Variants in ARHGAP31 observed in about 807,000 individuals in gnomAD.
ARHGAP31 encodes Rho GTPase activating protein 31.
A neutral mutation model predicts 113.9 loss-of-function variants in ARHGAP31; 34 were observed. That is an observed-to-expected ratio of 0.30 (90% confidence interval 0.23 to 0.40). The LOEUF is 0.40. Among genes scored for constraint, ARHGAP31 ranks in the 10% least tolerant of loss-of-function variants. The probability of loss-of-function intolerance (pLI) is 1.00; values close to 1 mark genes in which losing one functional copy is unlikely to be tolerated. For synonymous variants in ARHGAP31, 650 were observed against 684.8 expected, an observed-to-expected ratio of 0.95 and a Z score of 0.79; for missense variants, 1,548 against 1,767.1, an observed-to-expected ratio of 0.88 and a Z score of 2.22.
At position 119,402,514 on chromosome 3, in the gene ARHGAP31, A is replaced by G. The variant is rs1332793188; in HGVS notation, c.1645+117A>G. The G allele has an allele frequency of 1.2e-5, 13 of 1,112,004 alleles. No individual in the cohort carries two copies. In the Admixed American group the frequency reaches 1.8e-4, roughly 15 times the overall value. 68.9% of individuals were successfully genotyped at this position (1,112,004 alleles called of 1,614,324 possible). ...TTAAGCCTGTGGGCTCTAGAGCCCG[A>G]TTGGGTACAAATCCACGCTCTGCCA... On this transcript the variant is annotated intron_variant, in intron 10 of 11. Coordinates refer to ENST00000264245, the MANE Select transcript of ARHGAP31 (RefSeq NM_020754.4).
intron 1 of ARHGAP31, among the ~76,000 whole-genome samples, chr3:119,333,146 C>T (rs754516903): frequency 1.3e-5 from 2 of 152,182 alleles, no homozygotes; most frequent in Non-Finnish European, 2.9e-5. Context: ...GTTGGAAATA[C>T]TGGACCCAAA....
chr3:119,333,971 A>G (rs1204839509), intron 1 of ARHGAP31, among the ~76,000 whole-genome samples: 3 of 152,208 alleles, frequency 2.0e-5, no homozygotes, highest in Non-Finnish European at 4.4e-5. Flanking sequence ...CAACAGTCTC[A>G]GAGTCACTTA....
chr3:119,333,106 C>T (rs922969621), intron 1 of ARHGAP31, among the ~76,000 whole-genome samples: 2 of 152,172 alleles, frequency 1.3e-5, no homozygotes, highest in African/African-American at 4.8e-5. Flanking sequence ...CATTTTGCTG[C>T]CCTCATCAAA....
chr3:119,388,976 G>C (rs570780701), intron 6 of ARHGAP31, among the ~76,000 whole-genome samples: 1 of 152,214 alleles, frequency 6.6e-6, no homozygotes, highest in South Asian at 2.1e-4. Context: ...GGCCAACATG[G>C]AGAAACCCCA....
intron 10 of ARHGAP31, among the ~76,000 whole-genome samples, chr3:119,405,646 G>T (rs567947045): frequency 6.6e-6 from 1 of 152,230 alleles, no homozygotes; most frequent in East Asian, 1.9e-4. Context: ...GGTGGGGGAG[G>T]TTCTAGCTCC....
intron 6 of ARHGAP31, among the ~76,000 whole-genome samples, chr3:119,384,244 A>T (rs1209377064): frequency 6.6e-6 from 1 of 152,202 alleles, no homozygotes; most frequent in Non-Finnish European, 1.5e-5. Flanking sequence ...TATGTAGTTT[A>T]TGACCATTTA....
Position 119,390,781 on chromosome 3 carries a change from A to G in ARHGAP31, c.683-4A>G, listed in dbSNP as rs776985810. The G allele has an allele frequency of 2.0e-5, 33 of 1,611,784 alleles. No homozygotes were observed. The highest frequency in any genetic ancestry group is 1.3e-5 in the Non-Finnish European group (15 of 1,179,910). ...AACACTGAGCTCTTCCATTGCCTTT[A>G]CAGAAAACCGGCCCATCATGAAGAG... On this transcript the variant is annotated splice_polypyrimidine_tract_variant and splice_region_variant and intron_variant, in intron 6 of 11. Transcript: ENST00000264245.
chr3:119,382,674 G>A (rs147898502), intron 5 of ARHGAP31, among the ~76,000 whole-genome samples: 18 of 152,294 alleles, frequency 1.2e-4, no homozygotes, highest in African/African-American at 4.3e-4. Context: ...TCTTGAAAAG[G>A]CCTTTATTGT....
chr3:119,402,226 G>A lies in ARHGAP31; in HGVS notation c.1474G>A (p.Val492Ile), dbSNP rs2080617460. 6.2e-7 allele frequency: 1 copy of A among 1,614,160 alleles called. No individual in the cohort carries two copies. The highest frequency in any genetic ancestry group is 8.5e-7 in the Non-Finnish European group (1 of 1,180,058). ...KALNISEPFA[V>I]SVPLRVSAVI... ...GCTGAACATCTCCGAGCCCTTTGCG[G>A]TATCTGTGCCGCTCCGCGTGTCCGC... The change falls in exon 10 of 12, where the codon GTA (valine) becomes ATA (isoleucine). Residue 492 changes from valine (V) to isoleucine (I), a missense_variant. Coordinates refer to ENST00000264245, the MANE Select transcript of ARHGAP31 (RefSeq NM_020754.4).
chr3:119,299,658 G>GA (rs1169830752), intron 1 of ARHGAP31, among the ~76,000 whole-genome samples: 2 of 151,790 alleles, frequency 1.3e-5, no homozygotes, highest in South Asian at 2.1e-4. Flanking sequence ...AGATACTGTG[G>GA]AAAAAAAAGA....
At chr3:119,345,570 A>G (rs1331651550) in intron 1 of ARHGAP31, among the ~76,000 whole-genome samples, 1 of 152,080 alleles carries the variant, frequency 6.6e-6, no homozygotes, top group Non-Finnish European at 1.5e-5. Flanking sequence ...GCTCCTGGGG[A>G]TGGGGCCTCC....
In ARHGAP31 at chr3:119,338,584, T is replaced by A. The variant is rs538958863; in HGVS notation, c.101-26732T>A. 2.0e-5 allele frequency among the ~76,000 whole-genome samples: 3 copies of A among 152,358 alleles called. No individual in the cohort carries two copies. In the South Asian group the frequency reaches 6.2e-4, roughly 32 times the overall value. On this transcript the variant is annotated intron_variant, in intron 1 of 11. Transcript: ENST00000264245. ...TTTCATAAGTACAAATTTTAGTTCA[T>A]ACGTGACATATTTTACTGAATTTTA...
At chr3:119,295,490 G>C (rs1014865584) in intron 1 of ARHGAP31, among the ~76,000 whole-genome samples, 3 of 124,056 alleles carry the variant, frequency 2.4e-5, no homozygotes, top group African/African-American at 8.9e-5. Context: ...TTGCGGGTGG[G>C]GGGTGGGGGA....
rs1221516907 is a variant in ARHGAP31, at chr3:119,390,978, C to T, written c.876C>T (p.Asp292=). The T allele has an allele frequency of 6.2e-7, 1 of 1,614,116 alleles. No individual in the cohort carries two copies. The highest frequency in any genetic ancestry group is 2.2e-5 in the East Asian group (1 of 44,892). ...TCCACACTGTCCTTGAGTTACCAGA[C>T]AACAAGTAAGTGGCACTCTTTTAAA... ...TLFHTVLELP[D]NKRKLSSKSK... is the part of the protein sequence containing the mutation. The change falls in exon 7 of 12, where the codon GAC becomes GAT. Residue 292 remains aspartate, a synonymous_variant. Coordinates refer to ENST00000264245, the MANE Select transcript of ARHGAP31 (RefSeq NM_020754.4).
intron 1 of ARHGAP31, chr3:119,314,748 TTC>T (rs760736742): frequency 1.3e-5 from 2 of 152,338 alleles, no homozygotes; most frequent in Middle Eastern, 3.4e-3. Context: ...TCATCATACT[TTC>T]TGTTTCTCAA....
chr3:119,404,535 G>T (rs1391983924), intron 10 of ARHGAP31, among the ~76,000 whole-genome samples: 1 of 152,178 alleles, frequency 6.6e-6, no homozygotes, highest in Admixed American at 6.5e-5. Flanking sequence ...CTTCTTCCAT[G>T]ATTATTCCAT....
At chr3:119,295,365 G>A (rs1295530441) in intron 1 of ARHGAP31, among the ~76,000 whole-genome samples, 1 of 151,698 alleles carries the variant, frequency 6.6e-6, no homozygotes, top group African/African-American at 2.4e-5. Flanking sequence ...TGGACATGTG[G>A]GATGGTGATC....
At chr3:119,310,975 C>T (rs1035837661) in intron 1 of ARHGAP31, among the ~76,000 whole-genome samples, 2 of 152,164 alleles carry the variant, frequency 1.3e-5, no homozygotes, top group Non-Finnish European at 2.9e-5. Context: ...AACAGGTAGG[C>T]TGGTGTGGTG....
intron 6 of ARHGAP31, among the ~76,000 whole-genome samples, chr3:119,386,480 G>A (rs1305040951): frequency 2.6e-5 from 4 of 152,072 alleles, no homozygotes; most frequent in Non-Finnish European, 5.9e-5. Flanking sequence ...CATTCATTAG[G>A]GCTCCACCCT....
Sources: gnomAD v4.1 joint callset for allele counts (sites outside exome capture counted in the v4.1 genomes callset) on GRCh38, gnomAD v4.1.1 for gene constraint, MANE v1.5 for transcripts, NCBI Gene and HGNC (gene_info 2026-07-23, HGNC 2026-07-21) for gene names.